COL17A1: variants seen among roughly 807,000 people sequenced by gnomAD.
COL17A1 encodes collagen type XVII alpha 1 chain.
Under a neutral mutation model 218.4 loss-of-function variants are expected in COL17A1, and 181 were observed. The ratio of observed to expected loss-of-function variants is 0.83; its 90% CI spans 0.73 to 0.94. The LOEUF (loss-of-function observed/expected upper bound fraction) is 0.94, where lower values mean the gene tolerates loss of function less well. Ranked by LOEUF, COL17A1 falls within the 40% of genes least tolerant of loss-of-function variation. COL17A1 has a pLI of 0.00. For missense variants in COL17A1, 1,924 were observed against 1,945.9 expected, an observed-to-expected ratio of 0.99 and a Z score of 0.21; for synonymous variants, 721 against 731.0, an observed-to-expected ratio of 0.99 and a Z score of 0.22.
At chr10:104,072,682 C>T (rs750642147) in intron 7 of COL17A1, among the ~76,000 whole-genome samples, 3 of 152,184 alleles carry the variant, frequency 2.0e-5, no homozygotes, top group Non-Finnish European at 2.9e-5. Flanking sequence ...TCAGCCCTAA[C>T]ATGCTGCCCC....
At chr10:104,068,268 A>C (rs2086643159) in intron 9 of COL17A1, among the ~76,000 whole-genome samples, 1 of 117,812 alleles carries the variant, frequency 8.5e-6, no homozygotes, top group Non-Finnish European at 1.8e-5. Flanking sequence ...AGGAGAGGAG[A>C]ATAAAGAGGC....
At position 104,055,023 on chromosome 10, in the gene COL17A1, T is replaced by C. The variant is rs199679027; in HGVS notation, c.1718-16A>G. On this transcript the variant is annotated splice_polypyrimidine_tract_variant and intron_variant, in intron 19 of 55. Coordinates refer to ENST00000648076, the MANE Select transcript of COL17A1 (RefSeq NM_000494.4). The stretch of plus-strand genomic sequence containing the variant: ...CCCATGTCACCTGAAACCAGAAAGA[T>C]ATGAAAACTGTGAGATGGGGCAAGA... The C allele has an allele frequency of 1.2e-6, 2 of 1,614,066 alleles. No individual in the cohort carries two copies. The highest frequency in any genetic ancestry group is 2.2e-5 in the East Asian group (1 of 44,880).
chr10:104,035,333 CGGGGGACCT>C lies in COL17A1; in HGVS notation c.3540_3548del (p.Pro1185_Gly1187del). 1.2e-6 allele frequency: 2 copies of C among 1,614,186 alleles called. No individual in the cohort carries two copies. Among genetic ancestry groups the C allele is most frequent in the Non-Finnish European group, 1.7e-6 (2 of 1,180,022 alleles). On this transcript the variant is annotated inframe_deletion, in exon 50 of 56. Transcript: ENST00000648076. ...CATTGCCTGGGATCCCTGGTGGACC[CGGGGGACCT>C]GGGGGTCCAACGATGCCTCTGAATT... is the stretch of plus-strand genomic sequence containing the variant.
Position 104,042,532 on chromosome 10 carries a change from C to T in COL17A1, c.2516-77G>A, listed in dbSNP as rs2086370665. On this transcript the variant is annotated intron_variant, in intron 35 of 55. Transcript: ENST00000648076. The stretch of plus-strand genomic sequence containing the variant: ...GGAAGAACTAAAGGCATAATTCCTC[C>T]CAAGGCATGGAACAGAGACCCAAAG... 7 of 1,462,784 alleles carry T rather than the reference C, an allele frequency of 4.8e-6. No individual in the cohort carries two copies. In the Admixed American group the frequency reaches 8.5e-5, roughly 18 times the overall value. The allele number at this position is 1,462,784 out of a possible 1,614,324, so 90.6% of individuals were successfully genotyped here.
intron 5 of COL17A1, among the ~76,000 whole-genome samples, chr10:104,076,093 G>T (rs925251725): frequency 6.6e-6 from 1 of 152,204 alleles, no homozygotes; most frequent in Non-Finnish European, 1.5e-5. Context: ...AGTTGGAAAA[G>T]TAACTAAATG....
intron 9 of COL17A1, among the ~76,000 whole-genome samples, chr10:104,068,935 T>C (rs2086648209): frequency 6.6e-6 from 1 of 152,062 alleles, no homozygotes; most frequent in South Asian, 2.1e-4. Context: ...GGGAGAGAAA[T>C]GATAAGCAAA....
chr10:104,077,474 G>T lies in COL17A1; in HGVS notation c.150C>A (p.Ser50Arg), dbSNP rs574075967. The change falls in exon 4 of 56, where the codon AGC (serine) becomes AGA (arginine). Residue 50 changes from serine (S) to arginine (R), a missense_variant. Ser to Arg is a moderately radical substitution (Grantham distance 110). Coordinates refer to ENST00000648076, the MANE Select transcript of COL17A1 (RefSeq NM_000494.4). ...GAGTCAGGCTTTGTTTCTCCAGCCG[G>T]CTCCCTCCACCAAGAGAGGCTGTTT... ...YAKTASLGGGSRLEKQSLTHG... is the reference protein window; with the variant it reads ...YAKTASLGGGRRLEKQSLTHG... 1 of 1,613,346 alleles carries T rather than the reference G, an allele frequency of 6.2e-7. No homozygotes were observed. Among genetic ancestry groups the T allele is most frequent in the African/African-American group, 1.3e-5 (1 of 74,988 alleles).
At chr10:104,033,050 CAG>C (rs1275255294) in intron 53 of COL17A1, 82 bp from the exon 54 acceptor site, 4 of 1,554,012 alleles carry the variant, frequency 2.6e-6, no homozygotes, top group African/African-American at 2.7e-5. Context: ...CAGAGTAACA[CAG>C]AGAGATAGTG....
chr10:104,050,856 C>G lies in COL17A1; in HGVS notation c.2084G>C (p.Gly695Ala). The G allele has an allele frequency of 6.2e-7, 1 of 1,614,138 alleles. No homozygotes were observed. ...QGLRGEVGLP[G>A]VKGDKGPMGP... is the part of the protein sequence containing the mutation. The stretch of plus-strand genomic sequence containing the variant: ...GCCTCCCTCCAGCTTACCTTTGACA[C>G]CAGGAAGTCCTACTTCACCTCGGAG... Residue 695 changes from glycine (G) to alanine (A), a missense_variant, in exon 26 of 56, where the codon GGT becomes GCT. Coordinates refer to ENST00000648076, the MANE Select transcript of COL17A1 (RefSeq NM_000494.4).
chr10:104,053,428 C>T (rs2134611564), intron 22 of COL17A1, among the ~76,000 whole-genome samples: 1 of 152,336 alleles, frequency 6.6e-6, no homozygotes, highest in South Asian at 2.1e-4. Context: ...CCTGCCTCCT[C>T]TCGGCCCATC....
intron 7 of COL17A1, among the ~76,000 whole-genome samples, chr10:104,072,692 C>G (rs747973786): frequency 3.3e-5 from 5 of 152,170 alleles, no homozygotes; most frequent in Non-Finnish European, 7.4e-5. Flanking sequence ...CATGCTGCCC[C>G]CTACCCTGCC....
chr10:104,046,606 A>T, intron 32 of COL17A1, 141 bp downstream of exon 32: 1 of 788,386 alleles, frequency 1.3e-6, no homozygotes, highest in Non-Finnish European at 2.2e-6. Flanking sequence ...GGTGCTTCTC[A>T]CGACTCATAG....
intron 23 of COL17A1, among the ~76,000 whole-genome samples, chr10:104,052,719 GCCCCCTGAGCCCCA>G (rs1479898036): frequency 1.3e-5 from 2 of 152,046 alleles, no homozygotes; most frequent in African/African-American, 2.4e-5. Context: ...GCCCTGCCCT[GCCCCCTGAGCCCCA>G]CCTCGGCCTG....
chr10:104,076,466 A>G (rs2086711840), intron 4 of COL17A1, 37 bp from the exon 5 acceptor site: 1 of 1,613,042 alleles, frequency 6.2e-7, no homozygotes, highest in Admixed American at 1.7e-5. Context: ...TCAGTGCTTC[A>G]GCAGAGAGGT....
At chr10:104,060,560 T>TTATA (rs2086573880) in intron 13 of COL17A1, among the ~76,000 whole-genome samples, 1 of 151,978 alleles carries the variant, frequency 6.6e-6, no homozygotes, top group African/African-American at 2.4e-5. Context: ...CTCCTGGAGA[T>TTATA]TATAGGATCT....
Position 104,064,095 on chromosome 10 carries a change from T to C in COL17A1, c.767-277A>G, listed in dbSNP as rs538025875. Among the ~76,000 whole-genome samples, 97 of 152,306 alleles carry C rather than the reference T, an allele frequency of 6.4e-4. 1 individual carries two copies. The South Asian group carries it at 9.3e-3, about 15-fold the overall frequency. ...AAGGCTCTCTTGTGAGTGACCCCAC[T>C]TTACAGAGATGGTCCCTGAAGCTCA... On this transcript the variant is annotated intron_variant, in intron 10 of 55. Transcript: ENST00000648076.
In COL17A1 at chr10:104,052,112, C is replaced by T. The variant is rs745837462; in HGVS notation, c.2002+43G>A. 58 of 1,613,722 alleles carry T rather than the reference C, an allele frequency of 3.6e-5. 1 individual carries two copies. The South Asian group carries it at 6.3e-4, about 17-fold the overall frequency. Reference sequence around the variant, plus strand: ...CTGTGATCCATCCTGAATGTGGCTTCTCCTCTGGAAAACTTTGATTCCTTC... The same window carrying T: ...CTGTGATCCATCCTGAATGTGGCTTTTCCTCTGGAAAACTTTGATTCCTTC... On this transcript the variant is annotated intron_variant, in intron 24 of 55. Coordinates refer to ENST00000648076, the MANE Select transcript of COL17A1 (RefSeq NM_000494.4).
chr10:104,062,170 G>A, intron 12 of COL17A1, 88 bp downstream of exon 12: 2 of 1,596,778 alleles, frequency 1.3e-6, no homozygotes, highest in East Asian at 4.5e-5. Flanking sequence ...TGATTTTCAG[G>A]GACATTTTGG....
intron 13 of COL17A1, among the ~76,000 whole-genome samples, chr10:104,060,999 G>T (rs1035647696): frequency 3.9e-5 from 6 of 152,188 alleles, no homozygotes; most frequent in Non-Finnish European, 7.3e-5. Context: ...CTCACTGTAT[G>T]GTGCTGAAAT....
Sources: allele counts gnomAD v4.1 joint callset (sites outside exome capture counted in the v4.1 genomes callset), GRCh38; gene constraint gnomAD v4.1.1; transcripts MANE v1.5; gene names NCBI Gene and HGNC (gene_info 2026-07-23, HGNC 2026-07-21).